NCOA3: variants seen among roughly 807,000 people sequenced by gnomAD.
The protein encoded by NCOA3 is CBP-interacting protein.
In NCOA3, 51 loss-of-function variants were observed where a neutral mutation model predicts 158.8. That is an observed-to-expected ratio of 0.32 (90% CI 0.26 to 0.41). The LOEUF (loss-of-function observed/expected upper bound fraction) is 0.41, where lower values mean the gene tolerates loss of function less well. NCOA3 is among the 10% of genes least tolerant of loss of function. The probability of loss-of-function intolerance (pLI) is 1.00; values close to 1 mark genes in which losing one functional copy is unlikely to be tolerated. For missense variants in NCOA3, 1,510 were observed against 1,746.6 expected, an observed-to-expected ratio of 0.86 and a Z score of 2.41; for synonymous variants, 537 against 592.4, an observed-to-expected ratio of 0.91 and a Z score of 1.36.
rs767857088 is a variant in NCOA3 at position 47,651,070 on chromosome 20, T to TGCAGCAGCAGCAGCAGCAGCAACA, written c.3762_3785dup (p.Gln1269_Gln1276dup). On this transcript the variant is annotated inframe_insertion, in exon 20 of 23. Transcript: ENST00000371998. ...CGACAACAGAGGGTGGCTATGATGA[T>TGCAGCAGCAGCAGCAGCAGCAACA]GCAGCAGCAGCAGCAGCAGCAACAG... The TGCAGCAGCAGCAGCAGCAGCAACA allele has an allele frequency of 1.9e-6, 3 of 1,605,394 alleles. No homozygotes were observed. Among genetic ancestry groups the TGCAGCAGCAGCAGCAGCAGCAACA allele is most frequent in the Middle Eastern group, 1.7e-4 (1 of 6,032 alleles).
At chr20:47,511,251 CT>C (rs574225212) in intron 1 of NCOA3, among the ~76,000 whole-genome samples, 1,415 of 128,734 alleles carry the variant, frequency 0.011, 20 homozygotes, top group African/African-American at 0.033. Context: ...TTCTTTCTTT[CT>C]TTTTTTTTTT....
rs201676518 is a variant in NCOA3, at chr20:47,642,204, T to C, written c.3081-9T>C. 205 of 1,552,368 alleles carry C rather than the reference T, an allele frequency of 1.3e-4. No homozygotes were observed. The highest frequency in any genetic ancestry group is 1.0e-3 in the East Asian group (46 of 44,002). On this transcript the variant is annotated splice_polypyrimidine_tract_variant and intron_variant, in intron 16 of 22. Transcript: ENST00000371998. ...GCACCATTGACATTGATTGCAAGTCTTTTTCTAGGCCTCTTCTTAGGAATT... is the reference window on the plus strand; with the variant it reads ...GCACCATTGACATTGATTGCAAGTCCTTTTCTAGGCCTCTTCTTAGGAATT...
At chr20:47,625,580 C>A in intron 5 of NCOA3, 99 bp downstream of exon 5, 3 of 821,876 alleles carry the variant, frequency 3.7e-6, no homozygotes, top group South Asian at 1.6e-5. Flanking sequence ...GAAATGAGAA[C>A]AAAAAGAAAA....
chr20:47,646,602 T>G (rs1189969997), intron 17 of NCOA3, among the ~76,000 whole-genome samples: 1 of 152,052 alleles, frequency 6.6e-6, no homozygotes, highest in Non-Finnish European at 1.5e-5. Context: ...AGCACCTAAG[T>G]AGAAAATATA....
At chr20:47,644,506 A>G (rs746054411) in intron 17 of NCOA3, among the ~76,000 whole-genome samples, 8 of 151,820 alleles carry the variant, frequency 5.3e-5, no homozygotes, top group Non-Finnish European at 1.2e-4. Flanking sequence ...TGCTTGAGTC[A>G]CGTTCAAGCT....
At position 47,624,075 on chromosome 20, in the gene NCOA3, A is replaced by T. The variant is rs544613621; in HGVS notation, c.248A>T (p.Lys83Ile). 6.2e-7 allele frequency: 1 copy of T among 1,603,878 alleles called. No individual in the cohort carries two copies. Among genetic ancestry groups the T allele is most frequent in the African/African-American group, 1.3e-5 (1 of 74,304 alleles). Residue 83 changes from lysine (K) to isoleucine (I), a missense_variant, in exon 4 of 23, where the codon AAA (lysine) becomes ATA (isoleucine). Lys to Ile is a moderately radical substitution (Grantham distance 102, BLOSUM62 -3). Transcript: ENST00000371998. The part of the protein sequence containing the change: ...KETVRQIRQI[K>I]EQGKTISNDD... ...ACAGTAAGACAGATACGTCAAATAA[A>T]AGAGCAAGGTAATAAAAACACTCAT...
intron 1 of NCOA3, among the ~76,000 whole-genome samples, chr20:47,507,085 G>T (rs1007057715): frequency 6.6e-6 from 1 of 152,142 alleles, no homozygotes; most frequent in Non-Finnish European, 1.5e-5. Flanking sequence ...ATGGATAGAT[G>T]GGAAAGGACT....
rs1403114766 is a variant in NCOA3, at chr20:47,518,220, C to T, written c.-99+16201C>T. ...AATTAGCTGGGCATGGTGGTGCGCA[C>T]CTGTAATCCCAGCCACTCAGGAGAC... On this transcript the variant is annotated intron_variant, in intron 1 of 22. Transcript: ENST00000371998. Among the ~76,000 whole-genome samples the T allele has an allele frequency of 3.3e-5, 5 of 151,922 alleles. No homozygotes were observed. The South Asian group carries it at 8.3e-4, about 25-fold the overall frequency.
chr20:47,504,996 GTTTTTGGTTTTTTT>G lies in NCOA3; in HGVS notation c.-99+2983_-99+2996del, dbSNP rs1569307887. 2.0e-3 allele frequency among the ~76,000 whole-genome samples: 63 copies of G among 30,888 alleles called. 1 individual carries two copies. The South Asian group carries it at 0.084, about 41-fold the overall frequency. 20.3% of individuals were successfully genotyped at this position (30,888 alleles called of 152,430 possible). On this transcript the variant is annotated intron_variant, in intron 1 of 22. Coordinates refer to ENST00000371998, the MANE Select transcript of NCOA3 (RefSeq NM_181659.3). ...TGATGGTTAAAATAAATGGCTTTGGGTTTTTGGTTTTTTTTTTTTTTTTTTTTTTTTTTGCGGGC... is the reference window on the plus strand; with the variant it reads ...TGATGGTTAAAATAAATGGCTTTGGGTTTTTTTTTTTTTTTTTTTGCGGGC...
chr20:47,623,804 A>G (rs1326100678), intron 3 of NCOA3, 107 bp from the exon 4 acceptor site: 9 of 1,110,628 alleles, frequency 8.1e-6, no homozygotes, highest in Non-Finnish European at 1.1e-5. Flanking sequence ...AAAAAAAAAA[A>G]AAAGTAATCA....
chr20:47,555,656 T>TG (rs1347387631), intron 1 of NCOA3, among the ~76,000 whole-genome samples: 1 of 129,462 alleles, frequency 7.7e-6, no homozygotes, highest in African/African-American at 3.1e-5. Flanking sequence ...TTTTTTTTTT[T>TG]GGGACAGAGT....
At chr20:47,646,290 A>C (rs763476295) in intron 17 of NCOA3, among the ~76,000 whole-genome samples, 1 of 152,208 alleles carries the variant, frequency 6.6e-6, no homozygotes, top group Non-Finnish European at 1.5e-5. Flanking sequence ...TCAGTCAGGT[A>C]CAGCTACCGT....
At chr20:47,557,460 A>G (rs890368263) in intron 1 of NCOA3, among the ~76,000 whole-genome samples, 4 of 152,218 alleles carry the variant, frequency 2.6e-5, no homozygotes, top group African/African-American at 9.6e-5. Context: ...AAGGCCGCAT[A>G]ACTAGTAAAT....
chr20:47,600,110 T>TTGTGTGTGTGTGTG (rs11472351), intron 2 of NCOA3, among the ~76,000 whole-genome samples: 1,457 of 143,052 alleles, frequency 0.01, 29 homozygotes, highest in African/African-American at 0.035. Flanking sequence ...CTCACTTCCT[T>TTGTGTGTGTGTGTG]TGTGTGTGTG....
intron 3 of NCOA3, among the ~76,000 whole-genome samples, chr20:47,623,520 G>T (rs746055671): frequency 6.6e-6 from 1 of 152,190 alleles, no homozygotes; most frequent in Non-Finnish European, 1.5e-5. Context: ...GGGTGTGGTG[G>T]CTCATGCCTG....
At chr20:47,521,419 C>T (rs902783295) in intron 1 of NCOA3, among the ~76,000 whole-genome samples, 5 of 152,034 alleles carry the variant, frequency 3.3e-5, no homozygotes, top group East Asian at 1.9e-4. Flanking sequence ...CAATGGTGAG[C>T]GCACACCTGG....
At chr20:47,651,809 C>T (rs2086798219) in intron 20 of NCOA3, among the ~76,000 whole-genome samples, 1 of 151,808 alleles carries the variant, frequency 6.6e-6, no homozygotes, top group Non-Finnish European at 1.5e-5. Flanking sequence ...ACTACAGGTG[C>T]ATTCCACCAC....
chr20:47,578,474 C>G (rs1271826053), intron 1 of NCOA3, among the ~76,000 whole-genome samples: 1 of 152,250 alleles, frequency 6.6e-6, no homozygotes, highest in Non-Finnish European at 1.5e-5. Context: ...GCATGAGCCA[C>G]TGCACCCAGC....
intron 1 of NCOA3, among the ~76,000 whole-genome samples, chr20:47,543,864 A>G (rs999836235): frequency 1.3e-5 from 2 of 152,218 alleles, no homozygotes; most frequent in Admixed American, 1.3e-4. Flanking sequence ...TACAGTTTAC[A>G]TAGGAAAGAT....
Sources: gnomAD v4.1 joint callset for allele counts (sites outside exome capture counted in the v4.1 genomes callset) on GRCh38, gnomAD v4.1.1 for gene constraint, MANE v1.5 for transcripts, NCBI Gene and HGNC (gene_info 2026-07-23, HGNC 2026-07-21) for gene names.